CLVS1: variants seen among roughly 807,000 people sequenced by gnomAD.
CLVS1 encodes clavesin-1.
In CLVS1, 10 loss-of-function variants were observed where a neutral mutation model predicts 33.1. The ratio of observed to expected loss-of-function variants is 0.30; its 90% CI spans 0.19 to 0.51. The LOEUF (loss-of-function observed/expected upper bound fraction) is 0.51, where lower values mean the gene tolerates loss of function less well. Among genes scored for constraint, CLVS1 ranks in the 20% least tolerant of loss-of-function variants. The pLI is 0.97. For synonymous variants in CLVS1, 163 were observed against 166.1 expected (o/e 0.98, Z 0.14); for missense variants, 343 against 433.4 (o/e 0.79, Z 1.85).
At chr8:61,487,304 A>G (rs1194502186) in intron 5 of CLVS1, among the ~76,000 whole-genome samples, 1 of 152,240 alleles carries the variant, frequency 6.6e-6, no homozygotes, top group Middle Eastern at 3.2e-3. Flanking sequence ...TAAAAAATAT[A>G]GATTTAAAAA....
At chr8:61,483,227 C>A (rs1367644622) in intron 5 of CLVS1, among the ~76,000 whole-genome samples, 1 of 152,046 alleles carries the variant, frequency 6.6e-6, no homozygotes, top group Non-Finnish European at 1.5e-5. Context: ...AGAGAAGAAT[C>A]AAATAGATGC....
At chr8:61,091,231 T>C (rs539238593) in intron 1 of CLVS1, among the ~76,000 whole-genome samples, 1 of 152,184 alleles carries the variant, frequency 6.6e-6, no homozygotes, top group Non-Finnish European at 1.5e-5. Flanking sequence ...AGCCAAGGCA[T>C]GTCAGCAGCC....
intron 5 of CLVS1, among the ~76,000 whole-genome samples, chr8:61,479,634 A>G (rs1161317137): frequency 2.0e-5 from 3 of 152,168 alleles, no homozygotes; most frequent in Non-Finnish European, 4.4e-5. Flanking sequence ...GAGGAGCTGC[A>G]TTCCTTTGGA....
At chr8:61,134,881 A>G (rs906462035) in intron 2 of CLVS1, among the ~76,000 whole-genome samples, 1 of 152,022 alleles carries the variant, frequency 6.6e-6, no homozygotes, top group Non-Finnish European at 1.5e-5. Context: ...GGACATAGAC[A>G]TCTTTGCTGG....
At chr8:61,165,191 C>G (rs1328018195) in intron 2 of CLVS1, among the ~76,000 whole-genome samples, 1 of 152,240 alleles carries the variant, frequency 6.6e-6, no homozygotes, top group East Asian at 1.9e-4. Flanking sequence ...AGGAGCATAG[C>G]AGACACCCTG....
In CLVS1 at chr8:61,467,361, C is replaced by T. The variant is rs565531781; in HGVS notation, c.977+8819C>T. 2.0e-5 allele frequency among the ~76,000 whole-genome samples: 3 copies of T among 152,302 alleles called. No homozygotes were observed. In the South Asian group the frequency reaches 6.2e-4, roughly 32 times the overall value. ...ATTTATTCTTAGCCAGTCCTGACAGCGGCTATTAACAATGGACCTGATGAT... is the reference window on the plus strand; with the variant it reads ...ATTTATTCTTAGCCAGTCCTGACAGTGGCTATTAACAATGGACCTGATGAT... On this transcript the variant is annotated intron_variant, in intron 5 of 5. Coordinates refer to ENST00000325897, the MANE Select transcript of CLVS1 (RefSeq NM_173519.3).
At chr8:61,445,588 C>A (rs1164927190) in intron 3 of CLVS1, among the ~76,000 whole-genome samples, 4 of 152,202 alleles carry the variant, frequency 2.6e-5, no homozygotes, top group African/African-American at 9.7e-5. Context: ...CTTGCAGAAC[C>A]ATCAGCCAAA....
rs1806982476 is a variant in CLVS1 at position 61,170,896 on chromosome 8, TAC to T, written c.-152+39038_-152+39039del. On this transcript the variant is annotated intron_variant, in intron 2 of 2. Coordinates refer to the CLVS1 transcript ENST00000522621. ...TGTATAACACCAGAACAACAGAAAATACAGTGTTTTTGAAAAGGAGTAGAGAA... is the reference window on the plus strand; with the variant it reads ...TGTATAACACCAGAACAACAGAAAATAGTGTTTTTGAAAAGGAGTAGAGAA... Among the ~76,000 whole-genome samples the T allele has an allele frequency of 5.3e-5, 8 of 152,222 alleles. No homozygotes were observed. The South Asian group carries it at 1.7e-3, about 32-fold the overall frequency.
chr8:61,220,557 T>G (rs6612599), intron 2 of CLVS1, among the ~76,000 whole-genome samples: 2 of 152,214 alleles, frequency 1.3e-5, no homozygotes, highest in African/African-American at 4.8e-5. Flanking sequence ...TTTTGATTAC[T>G]GTAGCCTTGT....
intron 2 of CLVS1, among the ~76,000 whole-genome samples, chr8:61,375,882 A>G (rs1813620012): frequency 6.6e-6 from 1 of 152,232 alleles, no homozygotes; most frequent in Admixed American, 6.5e-5. Flanking sequence ...CACGTGGCAA[A>G]TGGGCATATA....
At chr8:61,218,155 T>G (rs1235619075) in intron 2 of CLVS1, among the ~76,000 whole-genome samples, 1 of 152,184 alleles carries the variant, frequency 6.6e-6, no homozygotes, top group African/African-American at 2.4e-5. Flanking sequence ...ACTGGGAATT[T>G]ATCCAAAAGA....
At chr8:61,346,399 G>T (rs567433932) in intron 2 of CLVS1, among the ~76,000 whole-genome samples, 1 of 152,096 alleles carries the variant, frequency 6.6e-6, no homozygotes, top group Non-Finnish European at 1.5e-5. Flanking sequence ...AGCAGAGGTC[G>T]CAGTTGAGGA....
intron 2 of CLVS1, among the ~76,000 whole-genome samples, chr8:61,205,606 T>C (rs1309034924): frequency 6.6e-6 from 1 of 152,224 alleles, no homozygotes; most frequent in Non-Finnish European, 1.5e-5. Flanking sequence ...CTATGTATGC[T>C]GCCTTTGGGT....
At chr8:61,135,907 G>A (rs968702244) in intron 2 of CLVS1, among the ~76,000 whole-genome samples, 5 of 152,216 alleles carry the variant, frequency 3.3e-5, no homozygotes, top group South Asian at 4.1e-4. Flanking sequence ...AGGGCTCCCC[G>A]CTGGGCCTGT....
chr8:61,373,774 A>G (rs1459301661), intron 2 of CLVS1, among the ~76,000 whole-genome samples: 1 of 152,192 alleles, frequency 6.6e-6, no homozygotes, highest in East Asian at 1.9e-4. Flanking sequence ...CTATGTAACA[A>G]ACCATCTCAA....
chr8:61,242,852 C>T (rs1304206605), intron 2 of CLVS1, among the ~76,000 whole-genome samples: 2 of 152,016 alleles, frequency 1.3e-5, no homozygotes, highest in Non-Finnish European at 2.9e-5. Flanking sequence ...TCTTTGCTGA[C>T]CTTTCCTTTC....
intron 5 of CLVS1, among the ~76,000 whole-genome samples, chr8:61,460,526 G>T (rs1052211684): frequency 1.3e-5 from 2 of 152,184 alleles, no homozygotes; most frequent in Non-Finnish European, 2.9e-5. Context: ...GGACTGAAAG[G>T]TAGTTGCCTA....
chr8:61,447,407 G>T (rs1240037451), intron 3 of CLVS1, among the ~76,000 whole-genome samples: 2 of 151,702 alleles, frequency 1.3e-5, no homozygotes, highest in Non-Finnish European at 2.9e-5. Flanking sequence ...GCTTAAGTAT[G>T]CCATTCTAAT....
At chr8:61,147,126 G>A (rs987820338) in intron 2 of CLVS1, among the ~76,000 whole-genome samples, 7 of 152,226 alleles carry the variant, frequency 4.6e-5, no homozygotes, top group Admixed American at 4.6e-4. Context: ...GCTTTTCAGA[G>A]CAGGTGAACA....
Sources: allele counts gnomAD v4.1 joint callset (sites outside exome capture counted in the v4.1 genomes callset), GRCh38; gene constraint gnomAD v4.1.1; transcripts MANE v1.5; gene names NCBI Gene and HGNC (gene_info 2026-07-23, HGNC 2026-07-21).